The following REXO1 variants were observed in gnomAD, a reference collection of about 807,000 sequenced individuals.
The protein encoded by REXO1 is RNA exonuclease 1 homolog, also known as REX1, RNA exonuclease 1 homolog.
A neutral mutation model predicts 102.6 loss-of-function variants in REXO1; 42 were observed. That is an observed-to-expected ratio of 0.41 (90% confidence interval 0.32 to 0.53). The LOEUF is 0.53. Ranked by LOEUF, REXO1 falls within the 20% of genes least tolerant of loss-of-function variation. The pLI is 0.27. For synonymous variants in REXO1, 908 were observed against 779.1 expected (o/e 1.17, Z -2.76); for missense variants, 1,819 against 1,732.5 (o/e 1.05, Z -0.89).
intron 9 of REXO1, 51 bp downstream of exon 9, chr19:1,818,655 T>C: frequency 6.2e-7 from 1 of 1,608,952 alleles, no homozygotes; most frequent in South Asian, 1.1e-5. Context: ...TGCCCGGCCT[T>C]GCCCACATCC....
chr19:1,821,790 G>T, intron 4 of REXO1, 108 bp from the exon 5 acceptor site: 3 of 1,000,102 alleles, frequency 3.0e-6, no homozygotes, highest in Non-Finnish European at 2.9e-6. Context: ...GTGCATCTCC[G>T]CGTGCAGGGG....
At position 1,848,451 on chromosome 19, in the gene REXO1, A is replaced by AC; in HGVS notation, c.-94dup. 2.1e-6 allele frequency: 2 copies of AC among 958,008 alleles called. No individual in the cohort carries two copies. The highest frequency in any genetic ancestry group is 2.5e-6 in the Non-Finnish European group (2 of 785,592). 59.3% of individuals were successfully genotyped at this position (958,008 alleles called of 1,614,324 possible). ...GGTCGCCGCCGCCCGCGCCTCACGG[A>AC]CCCCGCCGCCGCCATCTTGCTCCGA... On this transcript the variant is annotated 5_prime_UTR_variant, in exon 1 of 16. It removes the in-frame stop codon of an upstream open reading frame in the 5' UTR. Transcript: ENST00000170168.
rs778849087 is a variant in REXO1, at chr19:1,827,422, C to T, written c.1367G>A (p.Arg456Gln). The T allele has an allele frequency of 6.3e-5, 97 of 1,547,112 alleles. No individual in the cohort carries two copies. Among genetic ancestry groups the T allele is most frequent in the African/African-American group, 1.1e-4 (8 of 71,968 alleles). The change falls in exon 2 of 16, where the codon CGG (arginine) becomes CAG (glutamine). Residue 456 changes from arginine to glutamine, a missense_variant. By Grantham distance (43) the Arg-to-Gln change is conservative. Transcript: ENST00000170168. ...SGKGRPDRPARRPSPTSGDSR... is the reference protein window; with the variant it reads ...SGKGRPDRPAQRPSPTSGDSR... ...GTCCCCGCTTGTGGGGCTCGGCCGCCGCGCTGGCCGGTCAGGCCTCCCTTT... is the reference window on the plus strand; with the variant it reads ...GTCCCCGCTTGTGGGGCTCGGCCGCTGCGCTGGCCGGTCAGGCCTCCCTTT...
Position 1,815,932 on chromosome 19 carries a change from C to T in REXO1, c.*134G>A. The T allele has an allele frequency of 6.5e-7, 1 of 1,534,888 alleles. No individual in the cohort carries two copies. Among genetic ancestry groups the T allele is most frequent in the South Asian group, 1.2e-5 (1 of 83,710 alleles). The stretch of plus-strand genomic sequence containing the variant: ...GCTGGGCTGGGCGTTCTCTGGCCGC[C>T]AGCTCATCCCGCTGCTCTGGGCTGC... On this transcript the variant is annotated 3_prime_UTR_variant, in exon 16 of 16. Coordinates refer to ENST00000170168, the MANE Select transcript of REXO1 (RefSeq NM_020695.4). This position sits in a 1 kb window ranked among gnomAD's most constrained non-coding sequence, Gnocchi z 4.0.
At chr19:1,817,864 G>A (rs2069417298) in intron 10 of REXO1, 84 bp from the exon 11 acceptor site, 1 of 1,130,174 alleles carries the variant, frequency 8.8e-7, no homozygotes, top group South Asian at 1.3e-5. Flanking sequence ...CATCTACCGA[G>A]CCCTACTAGG....
chr19:1,848,392 C>T lies in REXO1; in HGVS notation c.-34G>A. On this transcript the variant is annotated 5_prime_UTR_variant, in exon 1 of 16. Coordinates refer to ENST00000170168, the MANE Select transcript of REXO1 (RefSeq NM_020695.4). ...CCGCGGCGGGGCCCCGGCCCGGAGCCGCCCGGGCCCCAGGGCCCCCTCACT... is the reference window on the plus strand; with the variant it reads ...CCGCGGCGGGGCCCCGGCCCGGAGCTGCCCGGGCCCCAGGGCCCCCTCACT... The T allele has an allele frequency of 3.4e-6, 4 of 1,184,544 alleles. No individual in the cohort carries two copies. Among genetic ancestry groups the T allele is most frequent in the Non-Finnish European group, 3.1e-6 (3 of 952,650 alleles). 73.4% of individuals were successfully genotyped at this position (1,184,544 alleles called of 1,614,324 possible).
intron 1 of REXO1, among the ~76,000 whole-genome samples, chr19:1,834,074 AG>A (rs1319281033): frequency 6.6e-6 from 1 of 152,114 alleles, no homozygotes; most frequent in African/African-American, 2.4e-5. Flanking sequence ...GCTAAGGATA[AG>A]GGACTCCACT....
intron 1 of REXO1, among the ~76,000 whole-genome samples, chr19:1,845,006 CT>C (rs1445428909): frequency 2.0e-5 from 3 of 152,198 alleles, no homozygotes; most frequent in Non-Finnish European, 2.9e-5. Flanking sequence ...GTTCCCTCTC[CT>C]GGAAGACAGT....
At chr19:1,847,779 C>A (rs1336829140) in intron 1 of REXO1, among the ~76,000 whole-genome samples, 1 of 152,204 alleles carries the variant, frequency 6.6e-6, no homozygotes, top group Non-Finnish European at 1.5e-5. Flanking sequence ...CCGGAGGAAA[C>A]GTCATGGAAA....
intron 1 of REXO1, among the ~76,000 whole-genome samples, chr19:1,843,188 C>G (rs2011373781): frequency 6.7e-6 from 1 of 150,010 alleles, no homozygotes; most frequent in Admixed American, 6.6e-5. Flanking sequence ...CTGGGCGAAG[C>G]TTCAACCCCC....
Position 1,845,255 on chromosome 19 carries a change from C to T in REXO1, c.157+2947G>A, listed in dbSNP as rs12609276. 2.0e-4 allele frequency among the ~76,000 whole-genome samples: 31 copies of T among 152,322 alleles called. No individual in the cohort carries two copies. In the South Asian group the frequency reaches 6.0e-3, roughly 30 times the overall value. On this transcript the variant is annotated intron_variant, in intron 1 of 15. Transcript: ENST00000170168. ...CCCAACTCACAAGGCTGGGATAGAA[C>T]GTGCCCCTCTAGGCCGGGGATGCAC...
intron 1 of REXO1, among the ~76,000 whole-genome samples, chr19:1,846,662 G>A (rs2011555182): frequency 6.6e-6 from 1 of 152,194 alleles, no homozygotes; most frequent in African/African-American, 2.4e-5. Context: ...GCCGAAGCAG[G>A]AGGTCGGCTC....
chr19:1,823,822 C>A, intron 3 of REXO1, 37 bp from the exon 4 acceptor site: 1 of 1,055,314 alleles, frequency 9.5e-7, no homozygotes, highest in South Asian at 4.7e-5. Context: ...GGCAGCACAG[C>A]GGGGGCACCT....
chr19:1,835,541 T>C (rs986376136), intron 1 of REXO1, among the ~76,000 whole-genome samples: 2 of 152,082 alleles, frequency 1.3e-5, no homozygotes, highest in Admixed American at 6.5e-5. Flanking sequence ...GAGCTATACA[T>C]GCATACACAC....
Position 1,823,880 on chromosome 19 carries a change from G to A in REXO1, c.2017-95C>T, listed in dbSNP as rs888997678. The stretch of plus-strand genomic sequence containing the variant: ...CTTGGGAGAGGGTGGCTGGAGCTCG[G>A]GGGCCGGAGGCACCACCTCCCTGGC... On this transcript the variant is annotated intron_variant, in intron 3 of 15. Transcript: ENST00000170168. The A allele has an allele frequency of 2.0e-5, 10 of 490,872 alleles. No individual in the cohort carries two copies. The Admixed American group carries it at 2.2e-4, about 11-fold the overall frequency. 30.4% of individuals were successfully genotyped at this position (490,872 alleles called of 1,614,324 possible).
chr19:1,837,929 T>C (rs1451547214), intron 1 of REXO1, among the ~76,000 whole-genome samples: 1 of 152,230 alleles, frequency 6.6e-6, no homozygotes, highest in African/African-American at 2.4e-5. Flanking sequence ...ATGCCATGAC[T>C]GGACGCGCTG....
At position 1,819,961 on chromosome 19, in the gene REXO1, C is replaced by T; in HGVS notation, c.2623G>A (p.Ala875Thr). ...VNTLKKLRGL[A>T]PSAVPGLSKT... ...CTGAGGCCGGGCACAGCGCTGGGGGCCAGGCCCCTGAGCTTCTTGAGGGTG... is the reference window on the plus strand; with the variant it reads ...CTGAGGCCGGGCACAGCGCTGGGGGTCAGGCCCCTGAGCTTCTTGAGGGTG... The change falls in exon 7 of 16, where the codon GCC becomes ACC. Residue 875 changes from alanine to threonine, a missense_variant. Physicochemically the swap from Ala to Thr is moderately conservative, Grantham distance 58. Transcript: ENST00000170168. The T allele has an allele frequency of 6.3e-7, 1 of 1,589,940 alleles. No homozygotes were observed. The highest frequency in any genetic ancestry group is 1.4e-5 in the African/African-American group (1 of 73,472).
intron 5 of REXO1, 67 bp from the exon 6 acceptor site, chr19:1,820,462 G>T (rs780713186): frequency 1.3e-6 from 2 of 1,578,004 alleles, no homozygotes; most frequent in Non-Finnish European, 8.7e-7. Flanking sequence ...GAACGCAGAC[G>T]CGATGAGGCC....
intron 1 of REXO1, among the ~76,000 whole-genome samples, chr19:1,835,197 G>A (rs1321842349): frequency 2.6e-5 from 4 of 152,320 alleles, no homozygotes; most frequent in African/African-American, 9.6e-5. Context: ...CCCCAGGGTG[G>A]CATGTGCATG....
Sources: allele counts gnomAD v4.1 joint callset (sites outside exome capture counted in the v4.1 genomes callset), GRCh38; gene constraint gnomAD v4.1.1; non-coding constraint Gnocchi (gnomAD v3.1); transcripts MANE v1.5; gene names NCBI Gene and HGNC (gene_info 2026-07-23, HGNC 2026-07-21).